The following NEMF variants were observed in gnomAD, a reference collection of about 807,000 sequenced individuals.
The protein encoded by NEMF is nuclear export mediator factor, also known as ribosome quality control complex subunit NEMF.
A neutral mutation model predicts 162.2 loss-of-function variants in NEMF; 89 were observed. That is an observed-to-expected ratio of 0.55 (90% CI 0.46 to 0.65). The LOEUF (loss-of-function observed/expected upper bound fraction) is 0.65, where lower values mean the gene tolerates loss of function less well. NEMF is among the 30% of genes least tolerant of loss of function. NEMF has a pLI of 0.00. For missense variants in NEMF, 1,133 were observed against 1,261.9 expected (o/e 0.90, Z 1.55); for synonymous variants, 421 against 404.5 (o/e 1.04, Z -0.49).
chr14:49,791,164 G>C (rs564483236), intron 26 of NEMF, among the ~76,000 whole-genome samples: 2 of 149,020 alleles, frequency 1.3e-5, no homozygotes, highest in African/African-American at 4.9e-5. Flanking sequence ...GTGAAACCCC[G>C]TCTGTACTAA....
chr14:49,840,658 T>C lies in NEMF; in HGVS notation c.506+60A>G, dbSNP rs917455752. The C allele has an allele frequency of 1.4e-6, 2 of 1,449,870 alleles. No individual in the cohort carries two copies. Among genetic ancestry groups the C allele is most frequent in the East Asian group, 2.4e-5 (1 of 42,402 alleles). 89.8% of individuals were successfully genotyped at this position (1,449,870 alleles called of 1,614,324 possible). A position where few individuals can be genotyped will look rare whatever the true frequency, so the allele number is the denominator to read the frequency against. On this transcript the variant is annotated intron_variant, in intron 5 of 32. Coordinates refer to ENST00000298310, the MANE Select transcript of NEMF (RefSeq NM_004713.6). ...CTTTTTTTTAAGAGACAGGGTCTCA[T>C]TATGTTGCCCAGTACATTTTAATAC...
chr14:49,782,350 C>T lies in NEMF; in HGVS notation c.*2286G>A, dbSNP rs1180269865. ...CTGGTGTTCTGGGTGGCTTCAAACTCGTTTTTGTTTTAAATGCAGGTTATG... is the reference window on the plus strand; with the variant it reads ...CTGGTGTTCTGGGTGGCTTCAAACTTGTTTTTGTTTTAAATGCAGGTTATG... On this transcript the variant is annotated 3_prime_UTR_variant, in exon 33 of 33. Transcript: ENST00000298310. The T allele has an allele frequency of 2.5e-6, 4 of 1,581,230 alleles. No individual in the cohort carries two copies. Among genetic ancestry groups the T allele is most frequent in the East Asian group, 4.5e-5 (2 of 44,442 alleles).
At chr14:49,792,882 G>GAGGTATTAGGTATTAGGTATT in intron 26 of NEMF, among the ~76,000 whole-genome samples, 1 of 152,122 alleles carries the variant, frequency 6.6e-6, no homozygotes, top group South Asian at 2.1e-4. Flanking sequence ...TTGGGAAGCT[G>GAGGTATTAGGTATTAGGTATT]AGGTATTAGG....
chr14:49,826,081 AACACAC>A, intron 15 of NEMF, 126 bp from the exon 16 acceptor site: 1 of 554,844 alleles, frequency 1.8e-6, no homozygotes, highest in Non-Finnish European at 3.2e-6. Flanking sequence ...CACACACACA[AACACAC>A]ACACACACAA....
chr14:49,826,835 A>G (rs1892373999), intron 15 of NEMF, among the ~76,000 whole-genome samples: 1 of 152,170 alleles, frequency 6.6e-6, no homozygotes. Context: ...AAATAAGGCA[A>G]AATAAAGAGA....
chr14:49,818,123 T>C (rs59174714), intron 16 of NEMF, among the ~76,000 whole-genome samples: 21,702 of 144,208 alleles, frequency 0.15, 1,976 homozygotes, highest in Admixed American at 0.24. Flanking sequence ...AGTCTCGCAC[T>C]GTCACCCAGA....
chr14:49,831,132 C>T (rs1892612996), intron 11 of NEMF, among the ~76,000 whole-genome samples, 167 bp downstream of exon 11: 2 of 152,114 alleles, frequency 1.3e-5, no homozygotes, highest in Admixed American at 6.6e-5. Context: ...ACAATAAAAT[C>T]CCCCATGGAC....
intron 15 of NEMF, among the ~76,000 whole-genome samples, chr14:49,826,175 C>T (rs1892332823): frequency 6.6e-6 from 1 of 151,950 alleles, no homozygotes; most frequent in East Asian, 1.9e-4. Flanking sequence ...TAAAGAATTA[C>T]TACATGAAAA....
chr14:49,803,417 T>A (rs1026280265), intron 19 of NEMF, 123 bp from the exon 20 acceptor site: 1 of 580,442 alleles, frequency 1.7e-6, no homozygotes, highest in South Asian at 2.9e-5. Context: ...AAGTTTATAA[T>A]TTCGTACAAA....
intron 16 of NEMF, among the ~76,000 whole-genome samples, chr14:49,822,335 T>TAAAAAAAAAAAAGAGG (rs1892112554): frequency 8.4e-6 from 1 of 118,904 alleles, no homozygotes; most frequent in African/African-American, 3.1e-5. Context: ...CACATTTTAA[T>TAAAAAAAAAAAAGAGG]AAAAAAAAAA....
At chr14:49,814,968 AT>A (rs922873929) in intron 16 of NEMF, 111 bp from the exon 17 acceptor site, 2 of 642,650 alleles carry the variant, frequency 3.1e-6, no homozygotes, top group Admixed American at 3.5e-5. Context: ...TGATGGTTTA[AT>A]TTTTTTAAGG....
chr14:49,816,223 A>G (rs1365503643), intron 16 of NEMF, among the ~76,000 whole-genome samples: 1 of 152,178 alleles, frequency 6.6e-6, no homozygotes, highest in Non-Finnish European at 1.5e-5. Flanking sequence ...TTTCATGGAC[A>G]TTTACCAGTT....
chr14:49,822,750 G>A (rs918008328), intron 16 of NEMF, among the ~76,000 whole-genome samples: 1 of 147,028 alleles, frequency 6.8e-6, no homozygotes, highest in African/African-American at 2.5e-5. Flanking sequence ...TGAAAAGGAT[G>A]ACAATGTCTA....
intron 6 of NEMF, among the ~76,000 whole-genome samples, chr14:49,836,638 C>T (rs1478030496): frequency 1.3e-5 from 2 of 151,796 alleles, no homozygotes; most frequent in South Asian, 2.1e-4. Context: ...AGAGCGAGAC[C>T]CTTGGGAAAT....
chr14:49,801,971 A>G (rs1324232204), intron 22 of NEMF, among the ~76,000 whole-genome samples: 2 of 142,388 alleles, frequency 1.4e-5, no homozygotes, highest in Admixed American at 7.1e-5. Context: ...TTTTTTTTTG[A>G]GACAGGGTCT....
chr14:49,844,049 A>G (rs545114438), intron 4 of NEMF, among the ~76,000 whole-genome samples: 2 of 151,764 alleles, frequency 1.3e-5, no homozygotes, highest in African/African-American at 4.8e-5. Flanking sequence ...CAGTGAGCTG[A>G]GATCACACCC....
intron 19 of NEMF, among the ~76,000 whole-genome samples, chr14:49,804,161 C>T (rs954497162): frequency 1.5e-4 from 23 of 151,152 alleles, no homozygotes; most frequent in Non-Finnish European, 3.0e-4. Context: ...CGCACCACCA[C>T]GCCCGGCTAA....
chr14:49,803,341 T>C (rs1190567097), intron 19 of NEMF, 47 bp from the exon 20 acceptor site: 3 of 1,339,612 alleles, frequency 2.2e-6, no homozygotes, highest in Non-Finnish European at 3.1e-6. Context: ...AAAAATACTC[T>C]AGTTTTCTTT....
chr14:49,848,914 C>T (rs1893643335), intron 3 of NEMF, among the ~76,000 whole-genome samples: 1 of 135,040 alleles, frequency 7.4e-6, no homozygotes, highest in Admixed American at 7.3e-5. Flanking sequence ...AAAAAAAAGA[C>T]AAAAAATCCA....
Sources: gnomAD v4.1 joint callset for allele counts (sites outside exome capture counted in the v4.1 genomes callset) on GRCh38, gnomAD v4.1.1 for gene constraint, MANE v1.5 for transcripts, NCBI Gene and HGNC (gene_info 2026-07-23, HGNC 2026-07-21) for gene names.